Variants in THSD7A observed in about 807,000 individuals in gnomAD.
THSD7A encodes the protein thrombospondin type-1 domain-containing protein 7A.
In THSD7A, 96 loss-of-function variants were observed where a neutral mutation model predicts 231.3. The observed-to-expected ratio is 0.41, with a 90% CI of 0.35 to 0.49. The LOEUF is 0.49. Among genes scored for constraint, THSD7A ranks in the 20% least tolerant of loss-of-function variants. The pLI, the probability that THSD7A is intolerant of heterozygous loss-of-function variation, is 0.05. For missense variants in THSD7A, 2,290 were observed against 2,070.2 expected (o/e 1.11, Z -2.06); for synonymous variants, 940 against 743.3 (o/e 1.26, Z -4.30).
At chr7:11,818,167 T>G (rs1784767556) in intron 1 of THSD7A, among the ~76,000 whole-genome samples, 1 of 152,224 alleles carries the variant, frequency 6.6e-6, no homozygotes, top group South Asian at 2.1e-4. Context: ...TCTACAATAC[T>G]CAGAATGTCC....
chr7:11,514,867 G>A (rs913800781), intron 6 of THSD7A, among the ~76,000 whole-genome samples: 10 of 152,114 alleles, frequency 6.6e-5, no homozygotes, highest in African/African-American at 2.4e-4. Context: ...CTGCACGAAA[G>A]CTCCAAAACT....
intron 17 of THSD7A, among the ~76,000 whole-genome samples, chr7:11,416,494 G>A (rs1339942142): frequency 2.0e-5 from 3 of 152,138 alleles, no homozygotes; most frequent in Non-Finnish European, 4.4e-5. Context: ...TTGTGAAACA[G>A]CTGATTCTTT....
chr7:11,378,938 C>T, intron 26 of THSD7A, 132 bp downstream of exon 26: 2 of 759,032 alleles, frequency 2.6e-6, no homozygotes, highest in Non-Finnish European at 4.2e-6. Context: ...ATAGATGGCA[C>T]TATCAGAATA....
At chr7:11,618,612 C>G (rs1264930832) in intron 2 of THSD7A, among the ~76,000 whole-genome samples, 1 of 151,878 alleles carries the variant, frequency 6.6e-6, no homozygotes, top group Non-Finnish European at 1.5e-5. Context: ...CACTGGCTAA[C>G]ACAGGTGAAA....
intron 1 of THSD7A, among the ~76,000 whole-genome samples, chr7:11,684,567 A>T (rs1339484472): frequency 6.6e-6 from 1 of 151,986 alleles, no homozygotes; most frequent in Non-Finnish European, 1.5e-5. Context: ...GTACAAAATT[A>T]GTAACATTTC....
At chr7:11,676,463 C>G (rs934388512) in intron 1 of THSD7A, among the ~76,000 whole-genome samples, 2 of 152,134 alleles carry the variant, frequency 1.3e-5, no homozygotes, top group African/African-American at 4.8e-5. Context: ...TTATAACAAA[C>G]TCCTCTGAAC....
intron 4 of THSD7A, among the ~76,000 whole-genome samples, chr7:11,566,157 AT>A (rs140629764): frequency 0.036 from 5,416 of 152,294 alleles, 341 homozygotes; most frequent in African/African-American, 0.12. Context: ...CCACAGAAAA[AT>A]ATCATTATGC....
At chr7:11,778,754 A>G (rs993474752) in intron 1 of THSD7A, among the ~76,000 whole-genome samples, 1 of 152,172 alleles carries the variant, frequency 6.6e-6, no homozygotes, top group Non-Finnish European at 1.5e-5. Context: ...TCATATGAAT[A>G]TGAAGTTCAT....
intron 6 of THSD7A, chr7:11,519,941 T>C (rs1448391965): frequency 2.6e-5 from 4 of 152,180 alleles, no homozygotes; most frequent in African/African-American, 9.7e-5. Context: ...GACATACCAG[T>C]ATATTCAATT....
chr7:11,592,850 A>G (rs1780216734), intron 3 of THSD7A, among the ~76,000 whole-genome samples: 1 of 152,136 alleles, frequency 6.6e-6, no homozygotes, highest in South Asian at 2.1e-4. Flanking sequence ...GATCATATCA[A>G]CCTGCCACCT....
intron 2 of THSD7A, among the ~76,000 whole-genome samples, chr7:11,617,951 C>T (rs191188879): frequency 2.6e-5 from 4 of 152,148 alleles, no homozygotes; most frequent in East Asian, 1.9e-4. Flanking sequence ...CAAACCTGCA[C>T]GTTTTGCACA....
chr7:11,791,861 C>T (rs1783961219), intron 1 of THSD7A, among the ~76,000 whole-genome samples: 1 of 151,878 alleles, frequency 6.6e-6, no homozygotes, highest in South Asian at 2.1e-4. Context: ...TTTGCTGCCG[C>T]CTCTTTCTTG....
chr7:11,763,737 T>C (rs1180508795), intron 1 of THSD7A, among the ~76,000 whole-genome samples: 1 of 152,186 alleles, frequency 6.6e-6, no homozygotes, highest in Non-Finnish European at 1.5e-5. Flanking sequence ...TAGCTGGTTA[T>C]TAAATACGGT....
intron 3 of THSD7A, among the ~76,000 whole-genome samples, chr7:11,592,618 TAAAC>T (rs1189004972): frequency 6.6e-6 from 1 of 152,198 alleles, no homozygotes; most frequent in Non-Finnish European, 1.5e-5. Flanking sequence ...TGCTAGCAAT[TAAAC>T]AAAAAGCAAA....
At chr7:11,543,578 T>C (rs1395731929) in intron 4 of THSD7A, among the ~76,000 whole-genome samples, 1 of 152,162 alleles carries the variant, frequency 6.6e-6, no homozygotes, top group Admixed American at 6.5e-5. Flanking sequence ...TCTCTTTTGG[T>C]TCACCGGGAT....
chr7:11,706,530 T>C (rs1311548601), intron 1 of THSD7A, among the ~76,000 whole-genome samples: 1 of 150,656 alleles, frequency 6.6e-6, no homozygotes, highest in Non-Finnish European at 1.5e-5. Flanking sequence ...GTTTGTGGTC[T>C]TTAGTAACAT....
At chr7:11,690,753 T>C (rs989968232) in intron 1 of THSD7A, among the ~76,000 whole-genome samples, 1 of 151,798 alleles carries the variant, frequency 6.6e-6, no homozygotes. Flanking sequence ...TGTACAAGAA[T>C]CTTTTTATAT....
intron 5 of THSD7A, among the ~76,000 whole-genome samples, chr7:11,542,687 G>T (rs969755926): frequency 4.6e-5 from 7 of 152,124 alleles, no homozygotes; most frequent in Admixed American, 4.6e-4. Context: ...TTCCAATCCA[G>T]GCCTGACCCC....
chr7:11,719,984 A>T (rs913007751), intron 1 of THSD7A, among the ~76,000 whole-genome samples: 4 of 151,914 alleles, frequency 2.6e-5, no homozygotes, highest in Admixed American at 1.3e-4. Flanking sequence ...AAAGATAAGT[A>T]TTGGTTTATC....
Sources: gnomAD v4.1 joint callset for allele counts (sites outside exome capture counted in the v4.1 genomes callset) on GRCh38, gnomAD v4.1.1 for gene constraint, MANE v1.5 for transcripts, NCBI Gene and HGNC (gene_info 2026-07-23, HGNC 2026-07-21) for gene names.